SNX19: variants seen among roughly 807,000 people sequenced by gnomAD.
SNX19 encodes the protein sorting nexin 19, also known as sorting nexin-19.
A neutral mutation model predicts 85.2 loss-of-function variants in SNX19; 60 were observed. That is an observed-to-expected ratio of 0.70 (90% confidence interval 0.57 to 0.87). SNX19 has a LOEUF of 0.87. SNX19 is among the 40% of genes least tolerant of loss of function. SNX19 has a pLI of 0.00. For synonymous variants in SNX19, 520 were observed against 470.0 expected (o/e 1.11, Z -1.38); for missense variants, 1,201 against 1,217.8 (o/e 0.99, Z 0.21).
rs375478019 is a variant in SNX19 at position 130,910,044 on chromosome 11, G to A, written c.2008C>T (p.Pro670Ser). The change falls in exon 4 of 11, where the codon CCA becomes TCA. Residue 670 changes from proline (P) to serine (S), a missense_variant. Pro to Ser is a moderately conservative substitution (Grantham distance 74). Coordinates refer to ENST00000265909, the MANE Select transcript of SNX19 (RefSeq NM_014758.3). ...TDARIAFVKK[P>S]FMVSRIDKMV... is the part of the protein sequence containing the mutation. The stretch of plus-strand genomic sequence containing the variant: ...TTGTCTATTCTAGAGACCATAAATG[G>A]TTTCTTGACAAAGGCAATACGAGCA... The A allele has an allele frequency of 8.7e-6, 14 of 1,613,718 alleles. No homozygotes were observed. In the African/African-American group the frequency reaches 1.9e-4, roughly 22 times the overall value.
chr11:130,914,899 T>A lies in SNX19; in HGVS notation c.1041A>T (p.Arg347Ser). 1 of 1,614,202 alleles carries A rather than the reference T, an allele frequency of 6.2e-7. No homozygotes were observed. Among genetic ancestry groups the A allele is most frequent in the Non-Finnish European group, 8.5e-7 (1 of 1,180,042 alleles). Residue 347 changes from arginine to serine, a missense_variant, in exon 1 of 11, where the codon AGA becomes AGT. Physicochemically the swap from Arg to Ser is moderately radical, Grantham distance 110. This residue lies in a region of SNX19 where 791 missense variants were observed against 750.9 expected (regional missense o/e 1.05). Coordinates refer to ENST00000265909, the MANE Select transcript of SNX19 (RefSeq NM_014758.3). The part of the protein sequence containing the change: ...EGDLGGMCEE[R>S]KVGNNSSHFL... ...AATGAGATGAGTTGTTTCCTACTTT[T>A]CTTTCTTCACACATCCCACCCAAAT...
rs778857881 is a variant in SNX19, at chr11:130,915,900, C to A, written c.40G>T (p.Ala14Ser). 1.9e-6 allele frequency: 3 copies of A among 1,614,078 alleles called. No individual in the cohort carries two copies. Among genetic ancestry groups the A allele is most frequent in the Non-Finnish European group, 2.5e-6 (3 of 1,179,916 alleles). Residue 14 changes from alanine to serine, a missense_variant, in exon 1 of 11, where the codon GCT (alanine) becomes TCT (serine). Ala to Ser is a moderately conservative substitution (Grantham distance 99). Coordinates refer to ENST00000265909, the MANE Select transcript of SNX19 (RefSeq NM_014758.3). ...ETVPPFQETP[A>S]GSSCHLNNLL... ...TTATTGAGGTGACAGCTCGATCCAG[C>A]TGGAGTTTCCTGGAACGGTGGCACT... is the stretch of plus-strand genomic sequence containing the variant.
At chr11:130,910,920 C>T (rs983595207) in intron 2 of SNX19, among the ~76,000 whole-genome samples, 11 of 152,072 alleles carry the variant, frequency 7.2e-5, no homozygotes, top group African/African-American at 1.9e-4. Context: ...TTTGGCTGGG[C>T]GTAGTAGCTC....
At chr11:130,903,039 T>G in intron 8 of SNX19, 1 of 537,184 alleles carries the variant, frequency 1.9e-6, no homozygotes, top group Non-Finnish European at 3.2e-6. Context: ...CAGTACATTA[T>G]GCCAGAAGTC....
chr11:130,890,625 A>G (rs886423955), intron 8 of SNX19, among the ~76,000 whole-genome samples: 9 of 152,150 alleles, frequency 5.9e-5, no homozygotes, highest in Non-Finnish European at 2.9e-5. Flanking sequence ...TTCTTTGAGT[A>G]CCACAAATAC....
In SNX19 at chr11:130,878,524, G is replaced by A. The variant is rs1288264962; in HGVS notation, c.2877C>T (p.Ile959=). 1 of 1,613,804 alleles carries A rather than the reference G, an allele frequency of 6.2e-7. No homozygotes were observed. The highest frequency in any genetic ancestry group is 8.5e-7 in the Non-Finnish European group (1 of 1,179,838). The change falls in exon 11 of 11, where the codon ATC becomes ATT. Residue 959 remains isoleucine (I), a synonymous_variant. Coordinates refer to ENST00000265909, the MANE Select transcript of SNX19 (RefSeq NM_014758.3). ...RHLIYCLGDI[I]LEFLDLSASV... ...AGGCACTGAGATCCAAGAATTCCAG[G>A]ATGATGTCCCCAAGGCAGTAAATCA...
intron 8 of SNX19, among the ~76,000 whole-genome samples, chr11:130,884,730 C>T (rs1254004973): frequency 6.6e-6 from 1 of 151,764 alleles, no homozygotes; most frequent in Non-Finnish European, 1.5e-5. Context: ...ATTAGCTGGG[C>T]ACGGTGGCGC....
At chr11:130,891,208 T>C (rs1944471622) in intron 8 of SNX19, among the ~76,000 whole-genome samples, 1 of 152,236 alleles carries the variant, frequency 6.6e-6, no homozygotes, top group Non-Finnish European at 1.5e-5. Flanking sequence ...TTTACTTTCC[T>C]AATAATCTTT....
Position 130,910,115 on chromosome 11 carries a change from A to G in SNX19, c.1937T>C (p.Ile646Thr). ...FLKQLCAIPE[I>T]ANSEEVQEFL... ...CTCCTGCACCTCCTCACTGTTAGCG[A>G]TCTCCGGAATGGCACAGAGTTGCTG... The change falls in exon 4 of 11, where the codon ATC (isoleucine) becomes ACC (threonine). Residue 646 changes from isoleucine to threonine, a missense_variant. Coordinates refer to ENST00000265909, the MANE Select transcript of SNX19 (RefSeq NM_014758.3). 1.2e-6 allele frequency: 2 copies of G among 1,614,160 alleles called. No homozygotes were observed. The highest frequency in any genetic ancestry group is 1.7e-5 in the Admixed American group (1 of 60,010).
chr11:130,901,041 C>A (rs1483104930), intron 8 of SNX19, among the ~76,000 whole-genome samples: 1 of 152,194 alleles, frequency 6.6e-6, no homozygotes, highest in East Asian at 1.9e-4. Flanking sequence ...GTCTACACAG[C>A]ATTTCTCAAG....
Position 130,877,952 on chromosome 11 carries a change from T to C in SNX19, c.*470A>G, listed in dbSNP as rs1943362129. ...TTTTGAGAATGGCCCTGAATGAATT[T>C]TTAGTTTCCGGGTAGGAACAGAGAG... On this transcript the variant is annotated 3_prime_UTR_variant, in exon 11 of 11. Coordinates refer to ENST00000265909, the MANE Select transcript of SNX19 (RefSeq NM_014758.3). 1.3e-5 allele frequency: 2 copies of C among 152,340 alleles called. No homozygotes were observed. Among genetic ancestry groups the C allele is most frequent in the Admixed American group, 1.3e-4 (2 of 15,288 alleles). The allele number at this position is 152,340 out of a possible 1,614,324, so 9.4% of individuals were successfully genotyped here. A position where few individuals can be genotyped will look rare whatever the true frequency, so the allele number is the denominator to read the frequency against.
chr11:130,909,939 C>T, intron 4 of SNX19, 79 bp downstream of exon 4: 1 of 1,578,198 alleles, frequency 6.3e-7, no homozygotes, highest in South Asian at 1.2e-5. Flanking sequence ...TCTTATTTTT[C>T]AAGGACTGCC....
intron 7 of SNX19, among the ~76,000 whole-genome samples, chr11:130,905,047 C>T (rs1466863248): frequency 6.6e-6 from 1 of 152,210 alleles, no homozygotes; most frequent in Admixed American, 6.5e-5. Flanking sequence ...GCTTTTTCCC[C>T]AGTTTTGAAT....
rs899198618 is a variant in SNX19, at chr11:130,877,176, A to G, written c.*1246T>C. On this transcript the variant is annotated 3_prime_UTR_variant, in exon 11 of 11. Coordinates refer to ENST00000265909, the MANE Select transcript of SNX19 (RefSeq NM_014758.3). The stretch of plus-strand genomic sequence containing the variant: ...GTGAAGCCAAAGGGCTCCCAGTGAC[A>G]TCCTTGACATCTTTTTGCCAGCTAT... 6.6e-6 allele frequency: 1 copy of G among 152,222 alleles called. No individual in the cohort carries two copies. The highest frequency in any genetic ancestry group is 2.4e-5 in the African/African-American group (1 of 41,448). The allele number at this position is 152,222 out of a possible 1,614,324, so 9.4% of individuals were successfully genotyped here. A position where few individuals can be genotyped will look rare whatever the true frequency, so the allele number is the denominator to read the frequency against.
At position 130,906,729 on chromosome 11, in the gene SNX19, A is replaced by C. The variant is rs538117267; in HGVS notation, c.2166-8T>G. The stretch of plus-strand genomic sequence containing the variant: ...GAGAACCTCAGCCTAGACCTGGTAC[A>C]GAAACAAAGAGCAGAAACAGGTTGT... On this transcript the variant is annotated splice_polypyrimidine_tract_variant and splice_region_variant and intron_variant, in intron 5 of 10. Transcript: ENST00000265909. The C allele has an allele frequency of 1.9e-6, 3 of 1,588,000 alleles. No individual in the cohort carries two copies. The highest frequency in any genetic ancestry group is 2.2e-5 in the South Asian group (2 of 90,446).
At position 130,915,806 on chromosome 11, in the gene SNX19, A is replaced by C; in HGVS notation, c.134T>G (p.Leu45Arg). The C allele has an allele frequency of 6.2e-7, 1 of 1,614,220 alleles. No individual in the cohort carries two copies. Among genetic ancestry groups the C allele is most frequent in the South Asian group, 1.1e-5 (1 of 91,092 alleles). Reference sequence around the variant, plus strand: ...AAGGCACAGCAGCCACACGTTGACCAGAAGGTGTATGACCAGGAGCCAGCC... The same window carrying C: ...AAGGCACAGCAGCCACACGTTGACCCGAAGGTGTATGACCAGGAGCCAGCC... ...LLGWLLVIHL[L>R]VNVWLLCLLS... The change falls in exon 1 of 11, where the codon CTG becomes CGG. Residue 45 changes from leucine (L) to arginine (R), a missense_variant. By Grantham distance (102) the Leu-to-Arg change is moderately radical (BLOSUM62 -2). Transcript: ENST00000265909.
At position 130,873,769 on chromosome 11, in the gene SNX19, G is replaced by A. The variant is rs1943115007; in HGVS notation, c.*4653C>T. Among the ~76,000 whole-genome samples, 2 of 152,110 alleles carry A rather than the reference G, an allele frequency of 1.3e-5. No individual in the cohort carries two copies. Among genetic ancestry groups the A allele is most frequent in the African/African-American group, 4.8e-5 (2 of 41,430 alleles). ...GATGTTAACTATTAGCTGGTACCAGGCATTTTGGGAGTAGATAGGGGATCT... is the reference window on the plus strand; with the variant it reads ...GATGTTAACTATTAGCTGGTACCAGACATTTTGGGAGTAGATAGGGGATCT... On this transcript the variant is annotated 3_prime_UTR_variant, in exon 11 of 11. Transcript: ENST00000265909.
rs746075402 is a variant in SNX19 at position 130,908,092 on chromosome 11, G to A, written c.2035-9C>T. ...ATGGCACTCACCACCATCTGCAGGG[G>A]TCAGAGGTGCAGGGTCAGTCCATCC... On this transcript the variant is annotated splice_polypyrimidine_tract_variant and intron_variant, in intron 4 of 10. Transcript: ENST00000265909. The A allele has an allele frequency of 6.2e-7, 1 of 1,613,706 alleles. No individual in the cohort carries two copies. The highest frequency in any genetic ancestry group is 8.5e-7 in the Non-Finnish European group (1 of 1,179,806).
chr11:130,911,419 C>G (rs1184730595), intron 2 of SNX19: 1 of 1,350,358 alleles, frequency 7.4e-7, no homozygotes, highest in African/African-American at 1.5e-5. Flanking sequence ...AGATGGGGCT[C>G]CAGAACAAAG....
Sources: allele counts gnomAD v4.1 joint callset (sites outside exome capture counted in the v4.1 genomes callset), GRCh38; gene constraint gnomAD v4.1.1; regional missense constraint gnomAD v4.1.1; transcripts MANE v1.5; gene names NCBI Gene and HGNC (gene_info 2026-07-23, HGNC 2026-07-21).